SNED1: variants seen among roughly 807,000 people sequenced by gnomAD.
The protein encoded by SNED1 is sushi, nidogen and EGF-like domain-containing protein 1.
SNED1 carries 81 observed loss-of-function variants against 166.7 expected under a neutral mutation model. That is an observed-to-expected ratio of 0.49 (90% CI 0.41 to 0.58). The LOEUF is 0.58. SNED1 is among the 20% of genes least tolerant of loss of function. SNED1 has a pLI of 0.00. For missense variants in SNED1, 1,604 were observed against 2,000.2 expected, an observed-to-expected ratio of 0.80 and a Z score of 3.78; for synonymous variants, 762 against 822.0, an observed-to-expected ratio of 0.93 and a Z score of 1.25.
At chr2:241,072,894 G>A (rs2125251103) in intron 26 of SNED1, 1 of 291,046 alleles carries the variant, frequency 3.4e-6, no homozygotes, top group East Asian at 6.6e-5. Context: ...AAAGAGCAGG[G>A]GGTGCCACAG....
chr2:241,073,239 G>T lies in SNED1; in HGVS notation c.3818-27G>T. On this transcript the variant is annotated intron_variant, in intron 26 of 31. Transcript: ENST00000310397. The surrounding 1 kb of genome is among the most constrained non-coding windows in gnomAD (Gnocchi z 6.6). ...ATCCCGGGTGCAAAGCAGCTGCGCCGTGTGGTCACCGCCTGGCTTCTCCTA... is the reference window on the plus strand; with the variant it reads ...ATCCCGGGTGCAAAGCAGCTGCGCCTTGTGGTCACCGCCTGGCTTCTCCTA... The T allele has an allele frequency of 1.3e-6, 2 of 1,526,484 alleles. No homozygotes were observed. Among genetic ancestry groups the T allele is most frequent in the Non-Finnish European group, 1.8e-6 (2 of 1,125,172 alleles). 94.6% of individuals were successfully genotyped at this position (1,526,484 alleles called of 1,614,324 possible).
At chr2:241,009,446 G>A (rs2060319254) in intron 1 of SNED1, among the ~76,000 whole-genome samples, 1 of 152,168 alleles carries the variant, frequency 6.6e-6, no homozygotes, top group Admixed American at 6.5e-5. Context: ...AAGCAAGTGA[G>A]GCAAGGAGCA....
intron 1 of SNED1, among the ~76,000 whole-genome samples, chr2:241,017,223 A>G (rs1293002682): frequency 6.6e-6 from 1 of 152,236 alleles, no homozygotes. Context: ...CAAACTAACA[A>G]GTTGCCCTGT....
rs2125106260 is a variant in SNED1 at position 241,052,283 on chromosome 2, G to A, written c.1970-72G>A. On this transcript the variant is annotated intron_variant, in intron 14 of 31. Coordinates refer to ENST00000310397, the MANE Select transcript of SNED1 (RefSeq NM_001080437.3). ...GCAGGAGGTGGAGCTGGGTGCAGGA[G>A]GCAGGATGCCCCACACAGTCCCGAG... is the stretch of plus-strand genomic sequence containing the variant. The A allele has an allele frequency of 2.8e-6, 4 of 1,453,146 alleles. No individual in the cohort carries two copies. In the South Asian group the frequency reaches 3.7e-5, roughly 13 times the overall value. The allele number at this position is 1,453,146 out of a possible 1,614,324, so 90.0% of individuals were successfully genotyped here. A position where few individuals can be genotyped will look rare whatever the true frequency, so the allele number is the denominator to read the frequency against.
intron 4 of SNED1, among the ~76,000 whole-genome samples, chr2:241,035,345 G>A (rs1344460243): frequency 2.0e-5 from 3 of 152,188 alleles, no homozygotes; most frequent in Admixed American, 1.3e-4. Context: ...ACAAACGGAC[G>A]GGGTGGGTGT....
intron 1 of SNED1, among the ~76,000 whole-genome samples, chr2:241,000,324 T>C (rs1209021086): frequency 6.6e-6 from 1 of 152,270 alleles, no homozygotes; most frequent in East Asian, 1.9e-4. Flanking sequence ...CCTCCCCACC[T>C]CGGTGGCAGC....
Position 241,069,102 on chromosome 2 carries a change from C to A in SNED1, c.3307+79C>A. On this transcript the variant is annotated intron_variant, in intron 23 of 31. Transcript: ENST00000310397. This position sits in a 1 kb window ranked among gnomAD's most constrained non-coding sequence, Gnocchi z 4.9. ...TGGCTTCCTTCCAGCCTCCCCTAGT[C>A]CTCTCCAAAGCGTCCACAACACCAG... 1 of 988,190 alleles carries A rather than the reference C, an allele frequency of 1.0e-6. No individual in the cohort carries two copies. Among genetic ancestry groups the A allele is most frequent in the Non-Finnish European group, 1.5e-6 (1 of 669,780 alleles). The allele number at this position is 988,190 out of a possible 1,614,324, so 61.2% of individuals were successfully genotyped here.
At chr2:241,005,689 TTG>T in intron 1 of SNED1, among the ~76,000 whole-genome samples, 1 of 152,202 alleles carries the variant, frequency 6.6e-6, no homozygotes, top group East Asian at 1.9e-4. Flanking sequence ...TGGATTTTGT[TTG>T]TGTTTTAAAT....
At chr2:241,088,185 G>A (rs889984561) in intron 30 of SNED1, 180 bp from the exon 31 acceptor site, 16 of 593,980 alleles carry the variant, frequency 2.7e-5, no homozygotes, top group African/African-American at 1.3e-4. Flanking sequence ...CAAGCCAGGC[G>A]GGCGCACACA....
chr2:241,000,538 A>G (rs999153293), intron 1 of SNED1, among the ~76,000 whole-genome samples: 7 of 152,298 alleles, frequency 4.6e-5, no homozygotes, highest in African/African-American at 1.7e-4. Flanking sequence ...GCACCATCCG[A>G]ACAGAACTCA....
At position 241,062,825 on chromosome 2, in the gene SNED1, T is replaced by C; in HGVS notation, c.2292T>C (p.His764=). The change falls in exon 17 of 32, where the codon CAT becomes CAC. Residue 764 remains histidine (H), a synonymous_variant. Transcript: ENST00000310397. ...AGTGCCGGTCTCAGCCGTGCCTGCA[T>C]GGGGGCTCTTGTCAGGACCGCGTTG... The part of the protein sequence containing the change: ...IDECRSQPCL[H]GGSCQDRVAG... The C allele has an allele frequency of 1.9e-6, 3 of 1,612,020 alleles. No individual in the cohort carries two copies. Among genetic ancestry groups the C allele is most frequent in the Non-Finnish European group, 2.5e-6 (3 of 1,179,206 alleles).
chr2:241,050,009 C>CT, intron 12 of SNED1, 76 bp downstream of exon 12: 1 of 1,051,222 alleles, frequency 9.5e-7, no homozygotes, highest in South Asian at 1.3e-5. Flanking sequence ...TGCTTCTCTG[C>CT]TGTCTCTCTC....
chr2:241,087,360 T>C, intron 29 of SNED1, 32 bp from the exon 30 acceptor site: 1 of 1,565,496 alleles, frequency 6.4e-7, no homozygotes, highest in Non-Finnish European at 8.7e-7. Context: ...TGCTTCACTG[T>C]CTGGTTTTAC....
rs2062359973 is a variant in SNED1, at chr2:241,064,533, C to T, written c.2600-311C>T. Among the ~76,000 whole-genome samples, 1 of 152,198 alleles carries T rather than the reference C, an allele frequency of 6.6e-6. No individual in the cohort carries two copies. The highest frequency in any genetic ancestry group is 1.5e-5 in the Non-Finnish European group (1 of 68,030). On this transcript the variant is annotated intron_variant, in intron 19 of 31. Coordinates refer to ENST00000310397, the MANE Select transcript of SNED1 (RefSeq NM_001080437.3). This position sits in a 1 kb window ranked among gnomAD's most constrained non-coding sequence, Gnocchi z 7.0. ...GTGGGATACCTCCTGATGAGGCTTCCCTGACCACTGACCTCCCCTCCTCAA... is the reference window on the plus strand; with the variant it reads ...GTGGGATACCTCCTGATGAGGCTTCTCTGACCACTGACCTCCCCTCCTCAA...
At chr2:241,084,849 T>A (rs1323460380) in intron 29 of SNED1, among the ~76,000 whole-genome samples, 1 of 151,308 alleles carries the variant, frequency 6.6e-6, no homozygotes, top group Non-Finnish European at 1.5e-5. Context: ...TCTGAAACTA[T>A]TTTTTTTTCA....
chr2:241,049,146 C>T lies in SNED1; in HGVS notation c.1618+11C>T, dbSNP rs74000328. ...ACAATGCCAGCCACTGTGAGTAGCT[C>T]GGGGACGAGCCTGCTGGGCCGGGGG... On this transcript the variant is annotated intron_variant, in intron 11 of 31. Coordinates refer to ENST00000310397, the MANE Select transcript of SNED1 (RefSeq NM_001080437.3). 5.6e-3 allele frequency: 8,935 copies of T among 1,602,062 alleles called. 465 individuals carry two copies. In the African/African-American group the frequency reaches 0.11, roughly 19 times the overall value.
intron 8 of SNED1, among the ~76,000 whole-genome samples, chr2:241,047,168 AAGT>A (rs56889864): frequency 0.097 from 9,164 of 94,228 alleles, 452 homozygotes; most frequent in East Asian, 0.23. Context: ...AAAAAAAAAA[AAGT>A]AAATTAGGTA....
At chr2:241,035,308 T>TC (rs1407944496) in intron 4 of SNED1, among the ~76,000 whole-genome samples, 10 of 152,098 alleles carry the variant, frequency 6.6e-5, no homozygotes, top group Non-Finnish European at 1.0e-4. Flanking sequence ...ACAGGGGAGT[T>TC]CCAGGGGTCC....
At chr2:241,070,861 G>A (rs1308733934) in intron 24 of SNED1, among the ~76,000 whole-genome samples, 6 of 152,212 alleles carry the variant, frequency 3.9e-5, no homozygotes, top group East Asian at 1.9e-4. Context: ...AGGCCACGGC[G>A]GGACAGAGCA....
Sources: gnomAD v4.1 joint callset for allele counts (sites outside exome capture counted in the v4.1 genomes callset) on GRCh38, gnomAD v4.1.1 for gene constraint, Gnocchi (gnomAD v3.1) non-coding constraint, MANE v1.5 for transcripts, NCBI Gene and HGNC (gene_info 2026-07-23, HGNC 2026-07-21) for gene names.